SLC41A2: variants seen among roughly 807,000 people sequenced by gnomAD.
SLC41A2 encodes the protein solute carrier family 41 member 2.
A neutral mutation model predicts 58.3 loss-of-function variants in SLC41A2; 32 were observed. The observed-to-expected ratio is 0.55, with a 90% CI of 0.41 to 0.74. SLC41A2 has a LOEUF of 0.74. Ranked by LOEUF, SLC41A2 falls within the 30% of genes least tolerant of loss-of-function variation. The pLI, the probability that SLC41A2 is intolerant of heterozygous loss-of-function variation, is 0.00. For synonymous variants in SLC41A2, 190 were observed against 235.0 expected (o/e 0.81, Z 1.75); for missense variants, 514 against 680.6 (o/e 0.76, Z 2.72).
At chr12:104,825,272 C>T (rs1041416041) in intron 10 of SLC41A2, among the ~76,000 whole-genome samples, 16 of 152,116 alleles carry the variant, frequency 1.1e-4, no homozygotes, top group Non-Finnish European at 1.5e-5. Flanking sequence ...GCTCAGGCAC[C>T]TGGGCATGCC....
At chr12:104,957,063 A>G (rs1359763395) in intron 1 of SLC41A2, among the ~76,000 whole-genome samples, 3 of 152,236 alleles carry the variant, frequency 2.0e-5, no homozygotes, top group Non-Finnish European at 4.4e-5. Flanking sequence ...CTGAAAACAC[A>G]TGTCCACAAA....
chr12:104,931,224 T>G (rs1426999086), intron 1 of SLC41A2, among the ~76,000 whole-genome samples: 1 of 152,236 alleles, frequency 6.6e-6, no homozygotes, highest in African/African-American at 2.4e-5. Context: ...AAAACATATA[T>G]GCTAGACAGA....
chr12:104,888,204 G>A (rs1005602376), intron 5 of SLC41A2, among the ~76,000 whole-genome samples: 6 of 151,950 alleles, frequency 3.9e-5, no homozygotes, highest in African/African-American at 1.2e-4. Flanking sequence ...AAACTACCCC[G>A]ATACAATTAA....
intron 5 of SLC41A2, among the ~76,000 whole-genome samples, chr12:104,886,691 T>C (rs536530125): frequency 1.3e-5 from 2 of 152,180 alleles, no homozygotes; most frequent in Non-Finnish European, 2.9e-5. Context: ...ACTAAAATTA[T>C]GGTAAAGCTA....
intron 2 of SLC41A2, among the ~76,000 whole-genome samples, chr12:104,927,689 A>G (rs1243437799): frequency 6.6e-6 from 1 of 152,208 alleles, no homozygotes; most frequent in Non-Finnish European, 1.5e-5. Context: ...GTATTTAAAT[A>G]TAACATTTTG....
At chr12:104,809,028 T>C (rs2041054779) in intron 10 of SLC41A2, among the ~76,000 whole-genome samples, 1 of 152,214 alleles carries the variant, frequency 6.6e-6, no homozygotes, top group Non-Finnish European at 1.5e-5. Context: ...AGCCCTTCTC[T>C]ATTGTCTACT....
At chr12:104,826,092 G>C (rs1202178512) in intron 10 of SLC41A2, among the ~76,000 whole-genome samples, 3 of 152,160 alleles carry the variant, frequency 2.0e-5, no homozygotes, top group South Asian at 2.1e-4. Flanking sequence ...GAAGGGAAAT[G>C]AGGGAAGCCT....
At chr12:104,932,446 G>A (rs1265010359) in intron 1 of SLC41A2, among the ~76,000 whole-genome samples, 1 of 151,748 alleles carries the variant, frequency 6.6e-6, no homozygotes, top group Non-Finnish European at 1.5e-5. Context: ...GCAACATGGC[G>A]AAACCTTGTC....
At chr12:104,829,691 G>A (rs528153057) in intron 10 of SLC41A2, among the ~76,000 whole-genome samples, 1 of 152,048 alleles carries the variant, frequency 6.6e-6, no homozygotes, top group East Asian at 1.9e-4. Flanking sequence ...ATATTGAATA[G>A]AAGTGTGCAG....
In SLC41A2 at chr12:104,951,855, G is replaced by C. The variant is rs1254807509; in HGVS notation, c.-168+6233C>G. ...ACCAACCTAATAATTTATTCCTTTT[G>C]TCCTTAGCCATTTTTCTAACACTGC... On this transcript the variant is annotated intron_variant, in intron 1 of 10. Transcript: ENST00000258538. Among the ~76,000 whole-genome samples the C allele has an allele frequency of 2.7e-5, 4 of 149,038 alleles. No homozygotes were observed. In the East Asian group the frequency reaches 8.4e-4, roughly 31 times the overall value.
chr12:104,892,142 A>G (rs759946042), intron 4 of SLC41A2, among the ~76,000 whole-genome samples: 9 of 151,864 alleles, frequency 5.9e-5, no homozygotes, highest in Non-Finnish European at 1.3e-4. Context: ...TCTACTAAAA[A>G]TGCAAAAATT....
At chr12:104,886,803 CA>C (rs372541605) in intron 5 of SLC41A2, among the ~76,000 whole-genome samples, 245 of 148,788 alleles carry the variant, frequency 1.6e-3, no homozygotes, top group Middle Eastern at 6.9e-3. Context: ...ATGAAAACAT[CA>C]AAAAAAAAGG....
chr12:104,874,969 T>C (rs1289371596), intron 6 of SLC41A2, among the ~76,000 whole-genome samples: 3 of 152,226 alleles, frequency 2.0e-5, no homozygotes, highest in Non-Finnish European at 2.9e-5. Context: ...TCCATAAACA[T>C]GGAATACCTT....
At chr12:104,807,439 A>AC (rs2040964114) in intron 10 of SLC41A2, among the ~76,000 whole-genome samples, 1 of 152,004 alleles carries the variant, frequency 6.6e-6, no homozygotes, top group South Asian at 2.1e-4. Context: ...CTGTTTTGGT[A>AC]CAGTACCATG....
intron 3 of SLC41A2, among the ~76,000 whole-genome samples, chr12:104,898,433 A>G (rs2045398401): frequency 1.3e-5 from 2 of 152,126 alleles, no homozygotes; most frequent in South Asian, 2.1e-4. Context: ...AAATATAGCC[A>G]CTACAATTAA....
intron 10 of SLC41A2, among the ~76,000 whole-genome samples, chr12:104,811,398 C>T (rs568395314): frequency 6.6e-6 from 1 of 152,194 alleles, no homozygotes; most frequent in South Asian, 2.1e-4. Flanking sequence ...CAAGACTATG[C>T]ATATCATTTT....
chr12:104,905,212 T>C (rs145931084), intron 3 of SLC41A2, among the ~76,000 whole-genome samples: 2,777 of 152,218 alleles, frequency 0.018, 60 homozygotes, highest in East Asian at 0.12. Context: ...AGGGTGCTGA[T>C]TGGTGTGTTT....
intron 9 of SLC41A2, among the ~76,000 whole-genome samples, chr12:104,844,884 CAGAG>C (rs555026580): frequency 1.3e-5 from 2 of 152,076 alleles, no homozygotes; most frequent in African/African-American, 4.8e-5. Flanking sequence ...ATCATAAAAA[CAGAG>C]AAAATATAAA....
intron 6 of SLC41A2, 82 bp from the exon 7 acceptor site, chr12:104,866,661 C>A (rs984569721): frequency 1.3e-5 from 15 of 1,186,060 alleles, no homozygotes; most frequent in Non-Finnish European, 1.6e-5. Flanking sequence ...TCAAAGTTTA[C>A]TAGAAGGTAC....
Sources: allele counts gnomAD v4.1 joint callset (sites outside exome capture counted in the v4.1 genomes callset), GRCh38; gene constraint gnomAD v4.1.1; transcripts MANE v1.5; gene names NCBI Gene and HGNC (gene_info 2026-07-23, HGNC 2026-07-21).